The following SHANK2 variants were observed in gnomAD, a reference collection of about 807,000 sequenced individuals.
SHANK2 encodes SH3 and multiple ankyrin repeat domains protein 2.
In SHANK2, 43 loss-of-function variants were observed where a neutral mutation model predicts 133.7. The ratio of observed to expected loss-of-function variants is 0.32; its 90% CI spans 0.25 to 0.41. SHANK2 has a LOEUF of 0.41. SHANK2 is among the 10% of genes least tolerant of loss of function. The pLI is 1.00. For missense variants in SHANK2, 1,994 were observed against 2,235.8 expected (o/e 0.89, Z 2.18); for synonymous variants, 1,017 against 952.8 (o/e 1.07, Z -1.24).
At chr11:70,744,712 C>T (rs1946602377) in intron 14 of SHANK2, among the ~76,000 whole-genome samples, 1 of 152,212 alleles carries the variant, frequency 6.6e-6, no homozygotes, top group Non-Finnish European at 1.5e-5. Flanking sequence ...AGCACTAGGA[C>T]ATCGCACAGC....
At chr11:70,862,242 T>A (rs1351084955) in intron 11 of SHANK2, among the ~76,000 whole-genome samples, 1 of 152,166 alleles carries the variant, frequency 6.6e-6, no homozygotes, top group East Asian at 1.9e-4. Flanking sequence ...GCTGCAAACC[T>A]GCTGCGATTA....
chr11:70,735,416 G>A (rs1293132700), intron 14 of SHANK2, among the ~76,000 whole-genome samples: 1 of 152,216 alleles, frequency 6.6e-6, no homozygotes, highest in Non-Finnish European at 1.5e-5. Flanking sequence ...GATAGAAAAT[G>A]TGCAGAGGGC....
chr11:70,876,483 C>G (rs147529976), intron 11 of SHANK2, among the ~76,000 whole-genome samples: 7,728 of 151,556 alleles, frequency 0.051, 646 homozygotes, highest in African/African-American at 0.18. Context: ...TGGCATGAAC[C>G]CGGGAGGCAG....
At chr11:71,228,168 T>C (rs1202398051) in intron 1 of SHANK2, among the ~76,000 whole-genome samples, 2 of 152,190 alleles carry the variant, frequency 1.3e-5, no homozygotes, top group Non-Finnish European at 2.9e-5. Flanking sequence ...AATAAAGCAA[T>C]TATTCAAGAA....
rs187954219 is a variant in SHANK2, at chr11:71,111,398, G to A, written c.484-1349C>T. Among the ~76,000 whole-genome samples, 102 of 152,314 alleles carry A rather than the reference G, an allele frequency of 6.7e-4. No homozygotes were observed. In the Middle Eastern group the frequency reaches 0.01, roughly 15 times the overall value. On this transcript the variant is annotated intron_variant, in intron 5 of 25. Transcript: ENST00000601538. ...AAGTGCGGGACTCATTTCCTGTGAG[G>A]TCATGATGGTCCGCAGATCAACCTG... is the stretch of plus-strand genomic sequence containing the variant.
At chr11:70,794,994 A>G (rs1214477377) in intron 14 of SHANK2, among the ~76,000 whole-genome samples, 1 of 152,198 alleles carries the variant, frequency 6.6e-6, no homozygotes, top group Admixed American at 6.5e-5. Context: ...AGAAGATAAT[A>G]CAAAAGAAGG....
intron 17 of SHANK2, among the ~76,000 whole-genome samples, chr11:70,640,512 T>C (rs1023037247): frequency 9.2e-5 from 14 of 152,232 alleles, no homozygotes; most frequent in African/African-American, 3.1e-4. Context: ...ATCGCTGTTG[T>C]CTCAGGCCAC....
At chr11:71,178,900 T>C (rs1346522470) in intron 2 of SHANK2, among the ~76,000 whole-genome samples, 1 of 152,130 alleles carries the variant, frequency 6.6e-6, no homozygotes, top group Non-Finnish European at 1.5e-5. Context: ...TGAGAGTCAC[T>C]TGAATCTGGG....
chr11:70,528,958 G>C (rs1485508325), intron 17 of SHANK2, among the ~76,000 whole-genome samples: 1 of 152,164 alleles, frequency 6.6e-6, no homozygotes, highest in Admixed American at 6.5e-5. Context: ...CCCCCCACTG[G>C]TGGCCTTGTG....
chr11:70,817,298 T>A (rs1555054603), intron 12 of SHANK2, among the ~76,000 whole-genome samples: 1 of 152,214 alleles, frequency 6.6e-6, no homozygotes, highest in Non-Finnish European at 1.5e-5. Flanking sequence ...TCCAGAGGGT[T>A]CCTCCTACAG....
At position 71,219,039 on chromosome 11, in the gene SHANK2, C is replaced by A. The variant is rs1380784238; in HGVS notation, c.-13+5658G>T. ...CGGAGCTTACCCAAGGCTCTGTGGG[C>A]AAGCTTCAGACCACGAGGACACCAT... On this transcript the variant is annotated intron_variant, in intron 2 of 25. Coordinates refer to ENST00000601538, the MANE Select transcript of SHANK2 (RefSeq NM_012309.5). Among the ~76,000 whole-genome samples, 4 of 152,152 alleles carry A rather than the reference C, an allele frequency of 2.6e-5. No individual in the cohort carries two copies. The South Asian group carries it at 8.3e-4, about 32-fold the overall frequency.
chr11:70,772,439 CAAAAA>C (rs36059683), intron 14 of SHANK2, among the ~76,000 whole-genome samples: 2 of 136,618 alleles, frequency 1.5e-5, no homozygotes, highest in Non-Finnish European at 3.2e-5. Context: ...GACTCTGTCT[CAAAAA>C]AAAAAAAAAA....
chr11:70,885,187 T>C (rs974107138), intron 11 of SHANK2, among the ~76,000 whole-genome samples: 1 of 83,070 alleles, frequency 1.2e-5, no homozygotes, highest in Non-Finnish European at 3.4e-5. Context: ...CTGGGAGCGC[T>C]GTATAGAGGG....
At chr11:70,729,195 T>TAA (rs34711436) in intron 14 of SHANK2, among the ~76,000 whole-genome samples, 18,285 of 144,518 alleles carry the variant, frequency 0.13, 1,525 homozygotes, top group South Asian at 0.27. Flanking sequence ...AGAATTCATC[T>TAA]AAAAAAAAAT....
At chr11:71,108,958 G>A (rs547132862) in intron 6 of SHANK2, among the ~76,000 whole-genome samples, 1 of 152,336 alleles carries the variant, frequency 6.6e-6, no homozygotes, top group East Asian at 1.9e-4. Flanking sequence ...GCGTTCAGAG[G>A]TCGAGGGGGC....
chr11:70,861,044 C>A (rs562447387), intron 11 of SHANK2, among the ~76,000 whole-genome samples: 6 of 152,162 alleles, frequency 3.9e-5, no homozygotes, highest in Admixed American at 2.0e-4. Flanking sequence ...CCTTTCCGGG[C>A]CCCCTTGTGG....
intron 11 of SHANK2, among the ~76,000 whole-genome samples, chr11:70,845,305 T>C (rs1011522216): frequency 2.0e-5 from 3 of 151,896 alleles, no homozygotes; most frequent in Non-Finnish European, 4.4e-5. Context: ...ACAATAAACT[T>C]CAAAGATGAG....
chr11:70,606,283 T>G (rs4418837), intron 17 of SHANK2, among the ~76,000 whole-genome samples: 150,005 of 152,208 alleles, frequency 0.99, 73,956 homozygotes, highest in Middle Eastern at 1. Flanking sequence ...CAGGCTTGGT[T>G]GCTCCTGCCT....
rs137965227 is a variant in SHANK2 at position 70,651,055 on chromosome 11, G to T, written c.2061+8773C>A. ...ACTGAGGCCAAGAAATGAGCAACCT[G>T]CCCAAGTTCACACAGTTAGGAAGAG... is the stretch of plus-strand genomic sequence containing the variant. On this transcript the variant is annotated intron_variant, in intron 17 of 25. Transcript: ENST00000601538. 1.2e-4 allele frequency among the ~76,000 whole-genome samples: 18 copies of T among 152,280 alleles called. No homozygotes were observed. In the East Asian group the frequency reaches 1.5e-3, roughly 13 times the overall value.
Sources: gnomAD v4.1 joint callset for allele counts (sites outside exome capture counted in the v4.1 genomes callset) on GRCh38, gnomAD v4.1.1 for gene constraint, MANE v1.5 for transcripts, NCBI Gene and HGNC (gene_info 2026-07-23, HGNC 2026-07-21) for gene names.